PCDH7: variants seen among roughly 807,000 people sequenced by gnomAD.
PCDH7 encodes protocadherin-7.
PCDH7 carries 17 observed loss-of-function variants against 58.9 expected under a neutral mutation model. That is an observed-to-expected ratio of 0.29 (90% CI 0.20 to 0.43). The LOEUF (loss-of-function observed/expected upper bound fraction) is 0.43, where lower values mean the gene tolerates loss of function less well. PCDH7 is among the 20% of genes least tolerant of loss of function. The probability of loss-of-function intolerance (pLI) is 1.00; values close to 1 mark genes in which losing one functional copy is unlikely to be tolerated. For missense variants in PCDH7, 1,274 were observed against 1,441.0 expected (o/e 0.88, Z 1.88); for synonymous variants, 664 against 616.4 (o/e 1.08, Z -1.14).
chr4:30,979,748 C>T (rs1453462854), intron 3 of PCDH7, among the ~76,000 whole-genome samples: 1 of 151,946 alleles, frequency 6.6e-6, no homozygotes, highest in Non-Finnish European at 1.5e-5. Context: ...TCAGGGACTA[C>T]ATCATTACTG....
chr4:31,114,890 A>G (rs920348976), intron 3 of PCDH7, among the ~76,000 whole-genome samples: 1 of 152,214 alleles, frequency 6.6e-6, no homozygotes, highest in Admixed American at 6.5e-5. Flanking sequence ...ACAGTCCACA[A>G]AGCTATCTGT....
At chr4:30,834,483 T>A (rs548146240) in intron 1 of PCDH7, among the ~76,000 whole-genome samples, 1 of 152,272 alleles carries the variant, frequency 6.6e-6, no homozygotes, top group Admixed American at 6.5e-5. Context: ...ACTGAGGTGC[T>A]TTGAACCACT....
intron 3 of PCDH7, among the ~76,000 whole-genome samples, chr4:30,961,630 A>G (rs941449347): frequency 1.3e-5 from 2 of 152,230 alleles, no homozygotes; most frequent in African/African-American, 4.8e-5. Context: ...ATCTAAATAT[A>G]TCAAAAGTAT....
intron 1 of PCDH7, among the ~76,000 whole-genome samples, chr4:30,918,429 G>A (rs550494208): frequency 7.2e-5 from 11 of 151,910 alleles, no homozygotes; most frequent in South Asian, 2.1e-4. Flanking sequence ...TAAATACAGG[G>A]TATTTACATT....
At position 30,769,345 on chromosome 4, in the gene PCDH7, T is replaced by C. The variant is rs866076297; in HGVS notation, c.70+44749T>C. 8.2e-4 allele frequency among the ~76,000 whole-genome samples: 125 copies of C among 152,348 alleles called. 2 individuals are homozygous for C. Among genetic ancestry groups the C allele is most frequent in the Middle Eastern group, 6.8e-3 (2 of 294 alleles). ...TGTGGAGACACTGCAGAGCTGTCAC[T>C]CCGCATGGTTTCCTGCAAGTCAGCT... On this transcript the variant is annotated intron_variant, in intron 1 of 3. Transcript: ENST00000509759.
chr4:30,930,301 G>A (rs1379892696), intron 2 of PCDH7, among the ~76,000 whole-genome samples: 1 of 152,152 alleles, frequency 6.6e-6, no homozygotes, highest in Non-Finnish European at 1.5e-5. Context: ...TGAGGAAAAA[G>A]TGGTGCCATT....
intron 3 of PCDH7, among the ~76,000 whole-genome samples, chr4:31,055,036 A>G (rs1757038495): frequency 6.6e-6 from 1 of 151,964 alleles, no homozygotes; most frequent in Non-Finnish European, 1.5e-5. Flanking sequence ...TGCTCCTAGG[A>G]GGTTTTAGCA....
At chr4:30,984,735 G>A (rs1019682835) in intron 3 of PCDH7, among the ~76,000 whole-genome samples, 2 of 152,066 alleles carry the variant, frequency 1.3e-5, no homozygotes, top group African/African-American at 4.8e-5. Context: ...GTTAAATATA[G>A]AAGAGACCAC....
chr4:30,747,246 T>G (rs2109254317), intron 1 of PCDH7, among the ~76,000 whole-genome samples: 1 of 152,356 alleles, frequency 6.6e-6, no homozygotes, highest in African/African-American at 2.4e-5. Flanking sequence ...ATTCATGTCC[T>G]ACATGATGTT....
chr4:30,797,252 TGTTTTGTTTG>T (rs1407992535), intron 1 of PCDH7, among the ~76,000 whole-genome samples: 2 of 150,986 alleles, frequency 1.3e-5, no homozygotes, highest in Non-Finnish European at 3.0e-5. Context: ...TACTTTGTTT[TGTTTTGTTTG>T]GTTTTGTTTG....
intron 1 of PCDH7, among the ~76,000 whole-genome samples, chr4:30,825,394 TTTG>T (rs1481011019): frequency 3.9e-5 from 6 of 152,168 alleles, no homozygotes; most frequent in Non-Finnish European, 7.3e-5. Context: ...TTTATCTTTT[TTTG>T]TTGTTTTTTC....
chr4:30,823,726 G>T (rs558540988), intron 1 of PCDH7, among the ~76,000 whole-genome samples: 20 of 152,190 alleles, frequency 1.3e-4, no homozygotes, highest in African/African-American at 4.3e-4. Flanking sequence ...GATCTTGGGG[G>T]TTAGATTAGT....
At chr4:30,894,566 CATATACACACACAT>C (rs1348998431) in intron 1 of PCDH7, among the ~76,000 whole-genome samples, 1 of 91,654 alleles carries the variant, frequency 1.1e-5, no homozygotes, top group Non-Finnish European at 2.1e-5. Flanking sequence ...CACATATATA[CATATACACACACAT>C]ATATACACAC....
intron 1 of PCDH7, chr4:30,885,172 C>T (rs1015004292): frequency 1.3e-5 from 2 of 152,122 alleles, no homozygotes; most frequent in African/African-American, 2.4e-5. Context: ...TATTTGGACT[C>T]ATGGGAGCAC....
rs558004335 is a variant in PCDH7 at position 31,108,490 on chromosome 4, G to A, written c.*8-33983G>A. Among the ~76,000 whole-genome samples, 141 of 150,276 alleles carry A rather than the reference G, an allele frequency of 9.4e-4. 2 individuals carry two copies. The highest frequency in any genetic ancestry group is 3.3e-3 in the African/African-American group (134 of 41,130). On this transcript the variant is annotated intron_variant, in intron 3 of 3. Coordinates refer to the PCDH7 transcript ENST00000509759. ...AATAATCTTTTTAACTAAGTTAACT[G>A]CTAATTCGATGAATCAGTGTTTGTG...
At position 30,721,836 on chromosome 4, in the gene PCDH7, C is replaced by T; in HGVS notation, c.414C>T (p.Asp138=). The stretch of plus-strand genomic sequence containing the variant: ...AGGTCATCGTGCTTGACATCAACGA[C>T]AACACGCCCACCTTCCCGTCGCCCG... The change falls in exon 1 of 2, where the codon GAC becomes GAT. Residue 138 remains aspartate, a synonymous_variant. Transcript: ENST00000361762. The surrounding 1 kb of genome is among the most constrained non-coding windows in gnomAD (Gnocchi z 6.7). 2.5e-6 allele frequency: 4 copies of T among 1,610,366 alleles called. No individual in the cohort carries two copies. Among genetic ancestry groups the T allele is most frequent in the Non-Finnish European group, 3.4e-6 (4 of 1,178,674 alleles).
chr4:30,749,609 A>G (rs1479623152), intron 1 of PCDH7, among the ~76,000 whole-genome samples: 1 of 152,164 alleles, frequency 6.6e-6, no homozygotes, highest in Non-Finnish European at 1.5e-5. Context: ...ATATGCCTGC[A>G]ACACTGCTCT....
At chr4:30,959,936 T>C (rs1261361181) in intron 3 of PCDH7, among the ~76,000 whole-genome samples, 1 of 152,046 alleles carries the variant, frequency 6.6e-6, no homozygotes, top group African/African-American at 2.4e-5. Context: ...GCCAAGCACT[T>C]ACACTGGATT....
chr4:30,917,854 A>G (rs1369936874), intron 1 of PCDH7, among the ~76,000 whole-genome samples: 1 of 152,170 alleles, frequency 6.6e-6, no homozygotes, highest in Non-Finnish European at 1.5e-5. Context: ...ACATTTAAGC[A>G]CAGATTCCAA....
Sources: allele counts gnomAD v4.1 joint callset (sites outside exome capture counted in the v4.1 genomes callset), GRCh38; gene constraint gnomAD v4.1.1; non-coding constraint Gnocchi (gnomAD v3.1); transcripts MANE v1.5; gene names NCBI Gene and HGNC (gene_info 2026-07-23, HGNC 2026-07-21).